The following SH3RF2 variants were observed in gnomAD, a reference collection of about 807,000 sequenced individuals.
The protein encoded by SH3RF2 is SH3 domain containing ring finger 2.
Under a neutral mutation model 59.0 loss-of-function variants are expected in SH3RF2, and 43 were observed. The observed-to-expected ratio is 0.73, with a 90% CI of 0.57 to 0.94. SH3RF2 has a LOEUF of 0.94. Ranked by LOEUF, SH3RF2 falls within the 40% of genes least tolerant of loss-of-function variation. SH3RF2 has a pLI of 0.00. For missense variants in SH3RF2, 930 were observed against 940.1 expected, an observed-to-expected ratio of 0.99 and a Z score of 0.14; for synonymous variants, 391 against 391.5, an observed-to-expected ratio of 1.00 and a Z score of 0.01.
chr5:145,940,362 C>T (rs1197383459), intron 2 of SH3RF2, among the ~76,000 whole-genome samples: 1 of 152,194 alleles, frequency 6.6e-6, no homozygotes, highest in Non-Finnish European at 1.5e-5. Context: ...ATGAACAAAC[C>T]TATTTCTGGA....
chr5:145,977,694 T>A (rs1177233956), intron 2 of SH3RF2, among the ~76,000 whole-genome samples: 5 of 152,224 alleles, frequency 3.3e-5, no homozygotes, highest in Non-Finnish European at 7.3e-5. Context: ...TAGTTTGTGG[T>A]AGAGGCAGGA....
At chr5:145,949,834 A>G (rs2149945072) in intron 2 of SH3RF2, among the ~76,000 whole-genome samples, 1 of 152,354 alleles carries the variant, frequency 6.6e-6, no homozygotes, top group African/African-American at 2.4e-5. Context: ...AATAATTTGC[A>G]GTTAAACATA....
intron 9 of SH3RF2, among the ~76,000 whole-genome samples, chr5:146,068,798 C>T (rs1175361229): frequency 1.3e-5 from 2 of 152,164 alleles, no homozygotes; most frequent in African/African-American, 4.8e-5. Flanking sequence ...GATTTGGGGC[C>T]TCCTTTCTGC....
chr5:146,007,034 C>A lies in SH3RF2; in HGVS notation c.744+2881C>A, dbSNP rs145772422. The stretch of plus-strand genomic sequence containing the variant: ...CATTAGCCTGAACCAGTCACATAGC[C>A]TGATGTGATGTCAAGTCAGCTGAGA... On this transcript the variant is annotated intron_variant, in intron 4 of 9. Transcript: ENST00000359120. 6.8e-3 allele frequency among the ~76,000 whole-genome samples: 1,033 copies of A among 152,292 alleles called. 15 individuals are homozygous for A. The highest frequency in any genetic ancestry group is 0.024 in the African/African-American group (1,006 of 41,556).
intron 2 of SH3RF2, among the ~76,000 whole-genome samples, chr5:145,952,798 C>T (rs1034336559): frequency 1.1e-4 from 16 of 152,134 alleles, no homozygotes; most frequent in Middle Eastern, 6.8e-3. Context: ...GAAGAGAGGG[C>T]GGCCAAGAAA....
Position 146,062,958 on chromosome 5 carries a change from T to C in SH3RF2, c.*257T>C, listed in dbSNP as rs1043614752. On this transcript the variant is annotated 3_prime_UTR_variant, in exon 10 of 10. Transcript: ENST00000359120. ...CTTACTCAGACCAAGGAGTGAAAAA[T>C]TGTCGTGCCCACTTTATGCCCCAGC... 9.7e-6 allele frequency: 5 copies of C among 515,416 alleles called. No homozygotes were observed. The highest frequency in any genetic ancestry group is 1.9e-5 in the African/African-American group (1 of 52,282). 31.9% of individuals were successfully genotyped at this position (515,416 alleles called of 1,614,324 possible). A position where few individuals can be genotyped will look rare whatever the true frequency, so the allele number is the denominator to read the frequency against.
intron 2 of SH3RF2, among the ~76,000 whole-genome samples, chr5:145,943,722 G>GT (rs138795952): frequency 0.015 from 2,317 of 151,604 alleles, 31 homozygotes; most frequent in Middle Eastern, 0.034. Flanking sequence ...TTTTGTTTTT[G>GT]TTTTATCAGT....
At chr5:146,006,388 T>C (rs896900295) in intron 4 of SH3RF2, among the ~76,000 whole-genome samples, 2 of 151,724 alleles carry the variant, frequency 1.3e-5, no homozygotes, top group Admixed American at 1.3e-4. Context: ...GCCACTATAC[T>C]CTAGACTAGA....
chr5:145,977,075 C>T (rs568976786), intron 2 of SH3RF2, among the ~76,000 whole-genome samples: 1 of 152,372 alleles, frequency 6.6e-6, no homozygotes, highest in Admixed American at 6.5e-5. Flanking sequence ...ATCTCATTTA[C>T]AGATGGGAAA....
At chr5:146,080,009 G>A (rs1318405069) in exon 10 of SH3RF2, 1 of 152,206 alleles carries the variant, frequency 6.6e-6, no homozygotes, top group Admixed American at 6.5e-5. Flanking sequence ...GAGGTATAGT[G>A]GAGGGTTTCA....
intron 9 of SH3RF2, among the ~76,000 whole-genome samples, chr5:146,070,069 A>G (rs1056124571): frequency 6.6e-6 from 1 of 152,032 alleles, no homozygotes; most frequent in African/African-American, 2.4e-5. Flanking sequence ...AGCACTTTAC[A>G]TGCTACATAC....
chr5:145,973,793 T>A (rs890309436), intron 2 of SH3RF2, among the ~76,000 whole-genome samples: 16 of 152,194 alleles, frequency 1.1e-4, no homozygotes, highest in Admixed American at 1.0e-3. Context: ...GACATATAAT[T>A]TGATTATGGA....
At chr5:145,986,048 T>A (rs1759692866) in intron 2 of SH3RF2, among the ~76,000 whole-genome samples, 1 of 134,042 alleles carries the variant, frequency 7.5e-6, no homozygotes, top group South Asian at 2.5e-4. Context: ...TAAATAAATG[T>A]CTGTTATCGT....
At chr5:145,949,373 C>T (rs1279012712) in intron 2 of SH3RF2, among the ~76,000 whole-genome samples, 1 of 152,168 alleles carries the variant, frequency 6.6e-6, no homozygotes, top group Admixed American at 6.5e-5. Flanking sequence ...AATCACAGGG[C>T]ACAGAGCAGG....
At chr5:146,011,834 A>C (rs1760914202) in intron 4 of SH3RF2, among the ~76,000 whole-genome samples, 1 of 152,202 alleles carries the variant, frequency 6.6e-6, no homozygotes, top group African/African-American at 2.4e-5. Context: ...AAAGAGGGAC[A>C]ATTTGACTTC....
chr5:145,959,003 G>A (rs1402004953), intron 2 of SH3RF2, among the ~76,000 whole-genome samples: 1 of 152,182 alleles, frequency 6.6e-6, no homozygotes, highest in Non-Finnish European at 1.5e-5. Flanking sequence ...GCCTCAAAAA[G>A]CAGTTTCCAA....
At chr5:145,956,958 C>A (rs1758438525) in intron 2 of SH3RF2, among the ~76,000 whole-genome samples, 1 of 152,222 alleles carries the variant, frequency 6.6e-6, no homozygotes, top group South Asian at 2.1e-4. Context: ...ACTGTAGCAA[C>A]TCATGTCTCC....
At chr5:145,950,655 A>C (rs1269098297) in intron 2 of SH3RF2, among the ~76,000 whole-genome samples, 2 of 151,850 alleles carry the variant, frequency 1.3e-5, no homozygotes, top group African/African-American at 4.8e-5. Flanking sequence ...GGAGGAGAAA[A>C]GGGAGGGAAG....
chr5:146,070,706 C>G (rs1763215244), intron 9 of SH3RF2, among the ~76,000 whole-genome samples: 1 of 152,192 alleles, frequency 6.6e-6, no homozygotes, highest in Admixed American at 6.5e-5. Context: ...CAAAAGGGCT[C>G]AGAGAGCTGA....
Sources: gnomAD v4.1 joint callset for allele counts (sites outside exome capture counted in the v4.1 genomes callset) on GRCh38, gnomAD v4.1.1 for gene constraint, MANE v1.5 for transcripts, NCBI Gene and HGNC (gene_info 2026-07-23, HGNC 2026-07-21) for gene names.